The following GABRB2 variants were observed in gnomAD, a reference collection of about 807,000 sequenced individuals.
GABRB2 encodes gamma-aminobutyric acid receptor subunit beta-2.
A neutral mutation model predicts 54.7 loss-of-function variants in GABRB2; 16 were observed. That is an observed-to-expected ratio of 0.29 (90% confidence interval 0.20 to 0.44). The LOEUF (loss-of-function observed/expected upper bound fraction) is 0.44, where lower values mean the gene tolerates loss of function less well. Ranked by LOEUF, GABRB2 falls within the 20% of genes least tolerant of loss-of-function variation. The probability of loss-of-function intolerance (pLI) is 1.00; values close to 1 mark genes in which losing one functional copy is unlikely to be tolerated. For synonymous variants in GABRB2, 244 were observed against 233.8 expected, an observed-to-expected ratio of 1.04 and a Z score of -0.40; for missense variants, 355 against 644.0, an observed-to-expected ratio of 0.55 and a Z score of 4.86.
At chr5:161,324,968 T>C (rs1264910766) in intron 9 of GABRB2, among the ~76,000 whole-genome samples, 1 of 152,096 alleles carries the variant, frequency 6.6e-6, no homozygotes, top group Non-Finnish European at 1.5e-5. Flanking sequence ...CACACTTTAA[T>C]GCACCAATGA....
chr5:161,353,390 G>A (rs1754527295), intron 5 of GABRB2, among the ~76,000 whole-genome samples: 1 of 152,032 alleles, frequency 6.6e-6, no homozygotes, highest in Admixed American at 6.6e-5. Flanking sequence ...TCCAAACTTG[G>A]TAAACCAGTT....
At chr5:161,454,465 C>T (rs1183141143) in intron 4 of GABRB2, among the ~76,000 whole-genome samples, 1 of 152,134 alleles carries the variant, frequency 6.6e-6, no homozygotes, top group Admixed American at 6.5e-5. Flanking sequence ...TGCACTTGCT[C>T]AGTCCCACTC....
intron 4 of GABRB2, among the ~76,000 whole-genome samples, chr5:161,427,786 A>C (rs932090582): frequency 1.3e-5 from 2 of 152,206 alleles, no homozygotes; most frequent in African/African-American, 4.8e-5. Flanking sequence ...AATTATTAAC[A>C]AAATGGTTTA....
intron 3 of GABRB2, among the ~76,000 whole-genome samples, chr5:161,488,244 T>C (rs79814740): frequency 6.9e-6 from 1 of 144,442 alleles, no homozygotes; most frequent in Non-Finnish European, 1.5e-5. Context: ...TTTTTTTTTT[T>C]CCACTTCCTT....
chr5:161,313,546 G>GTA (rs10650597), intron 9 of GABRB2, among the ~76,000 whole-genome samples: 8,338 of 151,384 alleles, frequency 0.055, 373 homozygotes, highest in African/African-American at 0.11. Context: ...TGGACTGACT[G>GTA]CCGTTAGACT....
At chr5:161,295,018 T>C (rs1757344105) in intron 9 of GABRB2, among the ~76,000 whole-genome samples, 1 of 152,154 alleles carries the variant, frequency 6.6e-6, no homozygotes, top group African/African-American at 2.4e-5. Flanking sequence ...TCAATACAAA[T>C]AGGGTAAAGA....
At chr5:161,534,067 C>T (rs1013124670) in intron 3 of GABRB2, among the ~76,000 whole-genome samples, 9 of 152,070 alleles carry the variant, frequency 5.9e-5, no homozygotes, top group Admixed American at 2.0e-4. Context: ...GGTAATTAGG[C>T]ACAAAAACCA....
chr5:161,488,885 T>C (rs951744971), intron 3 of GABRB2, among the ~76,000 whole-genome samples: 1 of 151,836 alleles, frequency 6.6e-6, no homozygotes, highest in Non-Finnish European at 1.5e-5. Context: ...GTTAGCAAGC[T>C]CATGAACCAA....
chr5:161,510,345 A>T (rs1759731112), intron 3 of GABRB2, among the ~76,000 whole-genome samples: 1 of 151,818 alleles, frequency 6.6e-6, no homozygotes, highest in Non-Finnish European at 1.5e-5. Context: ...ATAAGTGAGA[A>T]CATGCGACAT....
At chr5:161,411,360 G>A (rs995695068) in intron 4 of GABRB2, among the ~76,000 whole-genome samples, 1 of 152,164 alleles carries the variant, frequency 6.6e-6, no homozygotes, top group Non-Finnish European at 1.5e-5. Context: ...GTGGAGTGGT[G>A]CCAAGACTCT....
chr5:161,363,351 G>A (rs1754874399), intron 5 of GABRB2, among the ~76,000 whole-genome samples: 1 of 151,862 alleles, frequency 6.6e-6, no homozygotes. Context: ...AGATAGGGAG[G>A]GGAACATCAC....
At chr5:161,310,854 C>T (rs2113363911) in intron 9 of GABRB2, among the ~76,000 whole-genome samples, 1 of 152,030 alleles carries the variant, frequency 6.6e-6, no homozygotes, top group South Asian at 2.1e-4. Context: ...GCTCCACCTC[C>T]CAAGTTCACG....
chr5:161,437,727 T>C (rs1020368774), intron 4 of GABRB2, among the ~76,000 whole-genome samples: 3 of 151,864 alleles, frequency 2.0e-5, no homozygotes, highest in African/African-American at 4.8e-5. Flanking sequence ...TTAAGAGAAC[T>C]TGGACCTTAG....
intron 5 of GABRB2, among the ~76,000 whole-genome samples, chr5:161,380,145 T>C (rs576719799): frequency 6.6e-6 from 1 of 152,242 alleles, no homozygotes; most frequent in East Asian, 1.9e-4. Context: ...TTTAAGCAAA[T>C]ATCTCAGGTA....
intron 3 of GABRB2, among the ~76,000 whole-genome samples, chr5:161,464,819 C>T (rs1241414884): frequency 6.6e-6 from 1 of 151,916 alleles, no homozygotes; most frequent in South Asian, 2.1e-4. Flanking sequence ...TGTATCATTC[C>T]ATTTGTATGA....
At chr5:161,437,023 A>C (rs1463220091) in intron 4 of GABRB2, among the ~76,000 whole-genome samples, 2 of 152,086 alleles carry the variant, frequency 1.3e-5, no homozygotes, top group African/African-American at 4.8e-5. Context: ...GGGCTACAGT[A>C]CTCTGAGTCT....
intron 5 of GABRB2, among the ~76,000 whole-genome samples, chr5:161,384,792 T>G (rs756335740): frequency 1.6e-4 from 25 of 152,300 alleles, no homozygotes; most frequent in African/African-American, 6.0e-4. Flanking sequence ...ACCCAACAGA[T>G]GAAATGCTTT....
chr5:161,491,853 A>G (rs1462951137), intron 3 of GABRB2, among the ~76,000 whole-genome samples: 1 of 151,674 alleles, frequency 6.6e-6, no homozygotes, highest in Non-Finnish European at 1.5e-5. Flanking sequence ...ATCTTTCGAT[A>G]TGCATTCAGC....
At chr5:161,316,067 T>C (rs1758019962) in intron 9 of GABRB2, among the ~76,000 whole-genome samples, 1 of 152,178 alleles carries the variant, frequency 6.6e-6, no homozygotes, top group Non-Finnish European at 1.5e-5. Context: ...GAAAGTAGGT[T>C]TAACTGAAAG....
Sources: gnomAD v4.1 joint callset for allele counts (sites outside exome capture counted in the v4.1 genomes callset) on GRCh38, gnomAD v4.1.1 for gene constraint, MANE v1.5 for transcripts, NCBI Gene and HGNC (gene_info 2026-07-23, HGNC 2026-07-21) for gene names.